The following ZFHX3 variants were observed in gnomAD, a reference collection of about 807,000 sequenced individuals.
ZFHX3 encodes the protein zinc finger homeobox protein 3.
ZFHX3 carries 42 observed loss-of-function variants against 279.1 expected under a neutral mutation model. The observed-to-expected ratio is 0.15, with a 90% confidence interval of 0.12 to 0.19. The LOEUF (loss-of-function observed/expected upper bound fraction) is 0.19. ZFHX3 is among the 10% of genes least tolerant of loss of function. The probability of loss-of-function intolerance (pLI) is 1.00; values close to 1 mark genes in which losing one functional copy is unlikely to be tolerated. For missense variants in ZFHX3, 4,981 were observed against 4,754.0 expected (o/e 1.05, Z -1.40); for synonymous variants, 2,293 against 1,957.8 (o/e 1.17, Z -4.52).
At chr16:72,907,545 T>TGTGTGTGTG (rs2039208549) in intron 3 of ZFHX3, among the ~76,000 whole-genome samples, 11 of 120,480 alleles carry the variant, frequency 9.1e-5, no homozygotes, top group Admixed American at 1.8e-4. Flanking sequence ...TTTCCTCTAT[T>TGTGTGTGTG]TGTGTGTGTG....
chr16:73,682,990 GA>G (rs68142284), intron 1 of ZFHX3, among the ~76,000 whole-genome samples: 4,427 of 27,624 alleles, frequency 0.16, 472 homozygotes, highest in African/African-American at 0.21. Context: ...AAGAAAGAAA[GA>G]AAAGAAAGAA....
chr16:73,800,073 T>A (rs975264974), intron 1 of ZFHX3, among the ~76,000 whole-genome samples: 2 of 152,146 alleles, frequency 1.3e-5, no homozygotes, highest in African/African-American at 4.8e-5. Context: ...TAATAATTAT[T>A]TAATAATTGT....
At chr16:73,586,151 G>A (rs1212646898) in intron 2 of ZFHX3, among the ~76,000 whole-genome samples, 3 of 152,104 alleles carry the variant, frequency 2.0e-5, no homozygotes, top group South Asian at 4.1e-4. Flanking sequence ...CACTTTGGGA[G>A]GCTAAGACAG....
intron 7 of ZFHX3, among the ~76,000 whole-genome samples, chr16:73,126,317 G>C (rs781660327): frequency 4.6e-5 from 7 of 152,190 alleles, no homozygotes; most frequent in Non-Finnish European, 7.3e-5. Flanking sequence ...GGATACTGCA[G>C]AGGTCCAAGC....
At chr16:73,574,956 C>T (rs2051784318) in intron 2 of ZFHX3, among the ~76,000 whole-genome samples, 1 of 152,186 alleles carries the variant, frequency 6.6e-6, no homozygotes, top group Non-Finnish European at 1.5e-5. Context: ...CAGCACTCTC[C>T]TTTGTTCCAT....
intron 5 of ZFHX3, among the ~76,000 whole-genome samples, chr16:73,211,135 A>G (rs1343044228): frequency 6.6e-6 from 1 of 152,148 alleles, no homozygotes; most frequent in Non-Finnish European, 1.5e-5. Context: ...TCACTTTGCC[A>G]TTACTTACCA....
At chr16:73,350,845 G>A (rs1056935768) in intron 3 of ZFHX3, among the ~76,000 whole-genome samples, 3 of 152,212 alleles carry the variant, frequency 2.0e-5, no homozygotes, top group African/African-American at 7.2e-5. Context: ...TTGTAGGGAA[G>A]CAGCATGTGC....
At chr16:73,801,731 T>C (rs1210632996) in intron 1 of ZFHX3, among the ~76,000 whole-genome samples, 2 of 152,182 alleles carry the variant, frequency 1.3e-5, no homozygotes, top group East Asian at 3.8e-4. Context: ...TGGTGATACA[T>C]GTGCTGATGG....
intron 3 of ZFHX3, among the ~76,000 whole-genome samples, chr16:72,933,996 T>A (rs1359809169): frequency 6.6e-6 from 1 of 151,968 alleles, no homozygotes; most frequent in Admixed American, 6.6e-5. Context: ...TTTTTTGTAT[T>A]TTTAGTAGAG....
At chr16:73,741,997 T>C (rs918200765) in intron 1 of ZFHX3, among the ~76,000 whole-genome samples, 1 of 152,206 alleles carries the variant, frequency 6.6e-6, no homozygotes, top group Admixed American at 6.5e-5. Context: ...AGTCCAGCTA[T>C]TGCTCCTAGT....
chr16:72,894,817 C>T (rs993026506), intron 3 of ZFHX3, among the ~76,000 whole-genome samples: 5 of 152,328 alleles, frequency 3.3e-5, no homozygotes, highest in Middle Eastern at 3.4e-3. Flanking sequence ...TTTTCTCCCA[C>T]GCAAATCCTG....
chr16:73,593,822 G>A (rs1419715152), intron 2 of ZFHX3, among the ~76,000 whole-genome samples: 5 of 152,140 alleles, frequency 3.3e-5, no homozygotes, highest in South Asian at 2.1e-4. Context: ...AATCAAAAAC[G>A]AGAGAACTTG....
At chr16:73,242,525 T>C (rs184178523) in intron 5 of ZFHX3, among the ~76,000 whole-genome samples, 1 of 152,286 alleles carries the variant, frequency 6.6e-6, no homozygotes, top group African/African-American at 2.4e-5. Context: ...GAACAGATAA[T>C]ACTCACAGCA....
At chr16:73,082,949 C>T (rs1166570535) in intron 8 of ZFHX3, among the ~76,000 whole-genome samples, 3 of 150,364 alleles carry the variant, frequency 2.0e-5, no homozygotes, top group Admixed American at 6.6e-5. Context: ...TTTGGGAGGC[C>T]GAGGTGGACG....
chr16:73,370,581 A>G (rs1416607240), intron 3 of ZFHX3, among the ~76,000 whole-genome samples: 2 of 152,162 alleles, frequency 1.3e-5, no homozygotes, highest in African/African-American at 4.8e-5. Flanking sequence ...CCATAACACG[A>G]TGCAAGCTCA....
chr16:72,943,334 G>A (rs1338628712), intron 3 of ZFHX3, among the ~76,000 whole-genome samples: 1 of 152,134 alleles, frequency 6.6e-6, no homozygotes, highest in African/African-American at 2.4e-5. Context: ...AGGAGTTTGA[G>A]ACCAGCCTGG....
intron 1 of ZFHX3, among the ~76,000 whole-genome samples, chr16:73,820,548 A>G (rs1017561770): frequency 2.0e-5 from 3 of 152,078 alleles, no homozygotes; most frequent in African/African-American, 4.8e-5. Flanking sequence ...AGCCAGCCCT[A>G]TGAGTGAGTT....
At chr16:73,062,141 G>A (rs930612806), upstream of ZFHX3, 2 of 152,060 alleles carry the variant, frequency 1.3e-5, no homozygotes, top group African/African-American at 4.8e-5. Context: ...CTGGCAAGAG[G>A]GCAGAAAATT....
chr16:72,966,307 C>T (rs1262796574), intron 1 of ZFHX3, among the ~76,000 whole-genome samples: 2 of 152,176 alleles, frequency 1.3e-5, no homozygotes, highest in African/African-American at 4.8e-5. Context: ...ACTAACAGAA[C>T]AAAACTTTAG....
Sources: gnomAD v4.1 joint callset for allele counts (sites outside exome capture counted in the v4.1 genomes callset) on GRCh38, gnomAD v4.1.1 for gene constraint, MANE v1.5 for transcripts, NCBI Gene and HGNC (gene_info 2026-07-23, HGNC 2026-07-21) for gene names.